The following AOPEP variants were observed in gnomAD, a reference collection of about 807,000 sequenced individuals.
AOPEP encodes aminopeptidase O (putative), also known as aminopeptidase O.
In AOPEP, 77 loss-of-function variants were observed where a neutral mutation model predicts 98.1. The ratio of observed to expected loss-of-function variants is 0.78; its 90% CI spans 0.65 to 0.95. The LOEUF is 0.95. Ranked by LOEUF, AOPEP falls within the 40% of genes least tolerant of loss-of-function variation. AOPEP has a pLI of 0.00. For synonymous variants in AOPEP, 346 were observed against 365.3 expected, an observed-to-expected ratio of 0.95 and a Z score of 0.60; for missense variants, 1,024 against 1,024.7, an observed-to-expected ratio of 1.00 and a Z score of 0.01.
chr9:94,917,982 C>T (rs1259663323), intron 5 of AOPEP, among the ~76,000 whole-genome samples: 1 of 152,180 alleles, frequency 6.6e-6, no homozygotes, highest in African/African-American at 2.4e-5. Flanking sequence ...GTTTCCCCAT[C>T]TCATTCTCTA....
intron 5 of AOPEP, among the ~76,000 whole-genome samples, chr9:94,867,011 T>C (rs1564287163): frequency 6.6e-6 from 1 of 152,244 alleles, no homozygotes; most frequent in Non-Finnish European, 1.5e-5. Flanking sequence ...GATCTAATTA[T>C]GATGCTATGG....
At chr9:94,784,878 A>G (rs1162818153) in intron 3 of AOPEP, among the ~76,000 whole-genome samples, 2 of 152,130 alleles carry the variant, frequency 1.3e-5, no homozygotes, top group African/African-American at 4.8e-5. Context: ...TGGCCTCCCA[A>G]AGTGCTGGGA....
intron 5 of AOPEP, among the ~76,000 whole-genome samples, chr9:94,914,407 CGGA>C (rs2052507347): frequency 6.6e-6 from 1 of 152,186 alleles, no homozygotes; most frequent in African/African-American, 2.4e-5. Flanking sequence ...GCCTGCTTCT[CGGA>C]TTTCACCAGG....
intron 5 of AOPEP, chr9:94,921,341 CTG>C (rs930026232): frequency 6.6e-6 from 1 of 152,318 alleles, no homozygotes; most frequent in African/African-American, 2.4e-5. Flanking sequence ...TGAGTCCAGG[CTG>C]AGGTAGGAGT....
At chr9:95,045,337 C>T (rs1037124582) in intron 13 of AOPEP, among the ~76,000 whole-genome samples, 17 of 152,204 alleles carry the variant, frequency 1.1e-4, no homozygotes, top group Non-Finnish European at 2.1e-4. Flanking sequence ...CAGGCTGGGG[C>T]GCGCCCCTGC....
At chr9:94,883,021 A>T (rs2047772068) in intron 5 of AOPEP, among the ~76,000 whole-genome samples, 1 of 152,214 alleles carries the variant, frequency 6.6e-6, no homozygotes, top group African/African-American at 2.4e-5. Context: ...ATTCAATCTG[A>T]TGCTATACCC....
At chr9:95,047,864 T>C (rs1256654481) in intron 13 of AOPEP, among the ~76,000 whole-genome samples, 1 of 152,212 alleles carries the variant, frequency 6.6e-6, no homozygotes, top group Non-Finnish European at 1.5e-5. Flanking sequence ...TACAGAAAAC[T>C]TATCTCTGGC....
At chr9:94,891,271 G>A (rs752861067) in intron 5 of AOPEP, among the ~76,000 whole-genome samples, 2 of 152,140 alleles carry the variant, frequency 1.3e-5, no homozygotes, top group African/African-American at 2.4e-5. Flanking sequence ...ATATTTGCAT[G>A]ATATATCTTT....
chr9:94,994,495 C>T (rs1346357676), intron 11 of AOPEP, among the ~76,000 whole-genome samples: 1 of 152,194 alleles, frequency 6.6e-6, no homozygotes, highest in Non-Finnish European at 1.5e-5. Context: ...TTATTATACC[C>T]ATTTTACAGA....
intron 5 of AOPEP, among the ~76,000 whole-genome samples, chr9:94,886,184 A>G (rs1297534643): frequency 3.3e-5 from 5 of 150,968 alleles, no homozygotes; most frequent in African/African-American, 1.2e-4. Flanking sequence ...CCCAAAGGAG[A>G]AGCAGAAGCC....
At chr9:95,112,405 G>A in the AOPEP span, among the ~76,000 whole-genome samples, 1 of 152,158 alleles carries the variant, frequency 6.6e-6, no homozygotes, top group Non-Finnish European at 1.5e-5. Context: ...CCTGGCCCAT[G>A]GAATTCCCAA....
rs1057311464 is a variant in AOPEP, at chr9:94,793,007, G to A, written c.1118+89G>A. 19 of 1,363,130 alleles carry A rather than the reference G, an allele frequency of 1.4e-5. No individual in the cohort carries two copies. In the African/African-American group the frequency reaches 1.6e-4, roughly 11 times the overall value. The allele number at this position is 1,363,130 out of a possible 1,614,324, so 84.4% of individuals were successfully genotyped here. On this transcript the variant is annotated intron_variant, in intron 4 of 16. Coordinates refer to ENST00000375315, the MANE Select transcript of AOPEP (RefSeq NM_001193329.3). ...CATTTCTTCCAAGCACTGGGAATGT[G>A]AGTCATTCCTGCTGAGAAACTAAAC... is the stretch of plus-strand genomic sequence containing the variant.
intron 10 of AOPEP, among the ~76,000 whole-genome samples, chr9:94,973,566 T>A (rs565110771): frequency 6.6e-6 from 1 of 152,346 alleles, no homozygotes; most frequent in South Asian, 2.1e-4. Context: ...TGGAGACCAT[T>A]GACACTCAGA....
At chr9:95,011,742 T>G (rs2062539976) in intron 13 of AOPEP, among the ~76,000 whole-genome samples, 1 of 151,860 alleles carries the variant, frequency 6.6e-6, no homozygotes, top group Non-Finnish European at 1.5e-5. Context: ...AGTTAATGAG[T>G]TAGAGGTTAT....
At chr9:94,954,175 T>G (rs2058300255) in intron 7 of AOPEP, among the ~76,000 whole-genome samples, 1 of 151,956 alleles carries the variant, frequency 6.6e-6, no homozygotes. Flanking sequence ...AAAACAAAAA[T>G]TAGCTGGGTA....
At chr9:94,921,920 T>A (rs2053667955) in intron 5 of AOPEP, among the ~76,000 whole-genome samples, 1 of 152,120 alleles carries the variant, frequency 6.6e-6, no homozygotes, top group African/African-American at 2.4e-5. Flanking sequence ...TACCCCCGAC[T>A]CAGAAGAAAG....
chr9:95,080,637 G>A (rs999670543), intron 14 of AOPEP, 57 bp from the exon 15 acceptor site: 11 of 1,300,694 alleles, frequency 8.5e-6, no homozygotes, highest in African/African-American at 4.3e-5. Context: ...CACTGGGCCC[G>A]GTGGGCTGGG....
chr9:95,053,891 G>T (rs2066602658), intron 13 of AOPEP, among the ~76,000 whole-genome samples: 1 of 152,104 alleles, frequency 6.6e-6, no homozygotes, highest in Non-Finnish European at 1.5e-5. Flanking sequence ...AATTTTGGGG[G>T]TGGGTAGGGA....
chr9:95,128,072 CAA>C, the AOPEP span, among the ~76,000 whole-genome samples: 2 of 152,180 alleles, frequency 1.3e-5, no homozygotes, highest in African/African-American at 4.8e-5. Context: ...GACCACCGTT[CAA>C]GAGAGGAGAG....
Sources: gnomAD v4.1 joint callset for allele counts (sites outside exome capture counted in the v4.1 genomes callset) on GRCh38, gnomAD v4.1.1 for gene constraint, MANE v1.5 for transcripts, NCBI Gene and HGNC (gene_info 2026-07-23, HGNC 2026-07-21) for gene names.